PCBP3: variants seen among roughly 807,000 people sequenced by gnomAD.
PCBP3 encodes the protein poly(rC)-binding protein 3.
PCBP3 carries 25 observed loss-of-function variants against 52.7 expected under a neutral mutation model. That is an observed-to-expected ratio of 0.47 (90% CI 0.35 to 0.66). PCBP3 has a LOEUF of 0.66. Ranked by LOEUF, PCBP3 falls within the 30% of genes least tolerant of loss-of-function variation. The pLI is 0.01. For synonymous variants in PCBP3, 162 were observed against 183.0 expected (o/e 0.89, Z 0.93); for missense variants, 391 against 490.3 (o/e 0.80, Z 1.91).
At chr21:45,844,244 G>T (rs183384813) in intron 4 of PCBP3, among the ~76,000 whole-genome samples, 1 of 151,986 alleles carries the variant, frequency 6.6e-6, no homozygotes, top group Non-Finnish European at 1.5e-5. Context: ...ATGCTTTGCC[G>T]TCTTGGTGAG....
intron 4 of PCBP3, among the ~76,000 whole-genome samples, chr21:45,815,093 A>G (rs867161827): frequency 2.6e-3 from 7 of 2,742 alleles, no homozygotes; most frequent in South Asian, 0.019. Context: ...GTGGTGAGTG[A>G]TGAGTGAGTG....
intron 5 of PCBP3, among the ~76,000 whole-genome samples, chr21:45,857,988 C>T (rs926688381): frequency 1.3e-5 from 2 of 152,184 alleles, no homozygotes; most frequent in African/African-American, 2.4e-5. Flanking sequence ...CCAGGCCTCC[C>T]CCATTCCCAC....
rs1245142102 is a variant in PCBP3 at position 45,724,243 on chromosome 21, A to T, written c.-199-11149A>T. Among the ~76,000 whole-genome samples the T allele has an allele frequency of 6.6e-6, 1 of 152,170 alleles. No individual in the cohort carries two copies. The highest frequency in any genetic ancestry group is 2.4e-5 in the African/African-American group (1 of 41,434). Reference sequence around the variant, plus strand: ...GCTCCTATTAACACATTTATCGAAAATGGAACCTATGAGCAAATTCCTAGG... The same window carrying T: ...GCTCCTATTAACACATTTATCGAAATTGGAACCTATGAGCAAATTCCTAGG... On this transcript the variant is annotated intron_variant, in intron 2 of 17. Coordinates refer to ENST00000681687, the MANE Select transcript of PCBP3 (RefSeq NM_001384156.1). The surrounding 1 kb of genome is among the most constrained non-coding windows in gnomAD (Gnocchi z 5.3).
At chr21:45,765,175 G>C (rs1460276328) in intron 4 of PCBP3, among the ~76,000 whole-genome samples, 3 of 152,198 alleles carry the variant, frequency 2.0e-5, no homozygotes, top group Non-Finnish European at 2.9e-5. Context: ...GATAGACAGA[G>C]AGGCATGAGC....
chr21:45,924,991 G>T (rs1447333500), intron 13 of PCBP3, among the ~76,000 whole-genome samples: 1 of 87,710 alleles, frequency 1.1e-5, no homozygotes, highest in Admixed American at 1.0e-4. Context: ...AACAGCACAC[G>T]TAAGATCGGG....
rs1022993995 is a variant in PCBP3 at position 45,930,693 on chromosome 21, G to A, written c.797-93G>A. 9.6e-5 allele frequency: 64 copies of A among 668,130 alleles called. No homozygotes were observed. In the East Asian group the frequency reaches 1.5e-3, roughly 16 times the overall value. 41.4% of individuals were successfully genotyped at this position (668,130 alleles called of 1,614,324 possible). A position where few individuals can be genotyped will look rare whatever the true frequency, so the allele number is the denominator to read the frequency against. On this transcript the variant is annotated intron_variant, in intron 14 of 17. Coordinates refer to ENST00000681687, the MANE Select transcript of PCBP3 (RefSeq NM_001384156.1). ...GTGGCCAGAGAGAGCGCCGGTGCGT[G>A]CGCCAGTCATATTTTGAGCTTCCCT...
chr21:45,856,038 A>G lies in PCBP3; in HGVS notation c.10+5943A>G, dbSNP rs185240202. 1.6e-4 allele frequency among the ~76,000 whole-genome samples: 24 copies of G among 152,350 alleles called. No individual in the cohort carries two copies. The East Asian group carries it at 4.6e-3, about 29-fold the overall frequency. ...GTAGGAAACAGAAATATTTTACCCC[A>G]AAATATGTTTATTTGCCATATTTTG... On this transcript the variant is annotated intron_variant, in intron 5 of 17. Coordinates refer to ENST00000681687, the MANE Select transcript of PCBP3 (RefSeq NM_001384156.1).
intron 2 of PCBP3, among the ~76,000 whole-genome samples, chr21:45,677,381 A>T (rs2081534538): frequency 6.6e-6 from 1 of 152,222 alleles, no homozygotes; most frequent in Non-Finnish European, 1.5e-5. Context: ...GCTGAAATAG[A>T]TGAGGAAGAT....
At chr21:45,659,798 TGG>T (rs911449414) in intron 1 of PCBP3, among the ~76,000 whole-genome samples, 5 of 152,212 alleles carry the variant, frequency 3.3e-5, no homozygotes, top group Admixed American at 6.5e-5. Context: ...TTTTCCCTTG[TGG>T]TTGGGGAACA....
intron 5 of PCBP3, among the ~76,000 whole-genome samples, chr21:45,851,691 G>T (rs894650148): frequency 3.9e-5 from 6 of 152,162 alleles, no homozygotes; most frequent in African/African-American, 1.4e-4. Context: ...TGAGTACTGT[G>T]GGAAACCATA....
chr21:45,856,957 G>A (rs540085753), intron 5 of PCBP3, among the ~76,000 whole-genome samples: 1 of 152,148 alleles, frequency 6.6e-6, no homozygotes, highest in African/African-American at 2.4e-5. Context: ...TAAAGACCTG[G>A]GATCATAGAA....
At chr21:45,685,372 G>A (rs973033735) in intron 2 of PCBP3, among the ~76,000 whole-genome samples, 3 of 152,046 alleles carry the variant, frequency 2.0e-5, no homozygotes, top group African/African-American at 7.2e-5. Context: ...CCACTTAACT[G>A]TACACTTGAA....
intron 3 of PCBP3, chr21:45,749,339 G>A (rs1023254268): frequency 1.3e-4 from 20 of 152,092 alleles, no homozygotes; most frequent in African/African-American, 4.1e-4. Flanking sequence ...GAGTGTCTGT[G>A]TGAGCGCCCT....
chr21:45,779,010 G>A (rs2090450694), intron 4 of PCBP3, among the ~76,000 whole-genome samples: 1 of 152,210 alleles, frequency 6.6e-6, no homozygotes, highest in African/African-American at 2.4e-5. Context: ...CAGCCCTGGT[G>A]GCAGTAGGCT....
chr21:45,670,382 A>C (rs934833481), intron 2 of PCBP3, among the ~76,000 whole-genome samples: 2 of 152,006 alleles, frequency 1.3e-5, no homozygotes, highest in African/African-American at 4.8e-5. Flanking sequence ...GTCTTTGTAG[A>C]TATGTTTTTG....
At position 45,917,689 on chromosome 21, in the gene PCBP3, C is replaced by T. The variant is rs2073721282; in HGVS notation, c.717+60C>T. 7.8e-7 allele frequency: 1 copy of T among 1,276,210 alleles called. No homozygotes were observed. The highest frequency in any genetic ancestry group is 1.1e-6 in the Non-Finnish European group (1 of 871,680). The allele number at this position is 1,276,210 out of a possible 1,614,324, so 79.1% of individuals were successfully genotyped here. On this transcript the variant is annotated intron_variant, in intron 13 of 17. Transcript: ENST00000681687. This position sits in a 1 kb window ranked among gnomAD's most constrained non-coding sequence, Gnocchi z 5.3. Reference sequence around the variant, plus strand: ...CTTCTCATGGTTGTTTACCTACCTGCATGCTGCTGTTAATTGCTACTAACA... The same window carrying T: ...CTTCTCATGGTTGTTTACCTACCTGTATGCTGCTGTTAATTGCTACTAACA...
chr21:45,909,873 GGACCCGGCCACCCACTGCCCAGATACA>G (rs2096312783), intron 10 of PCBP3, among the ~76,000 whole-genome samples: 6 of 76,612 alleles, frequency 7.8e-5, no homozygotes, highest in Non-Finnish European at 9.7e-5. Context: ...GCCCAGATAC[GGACCCGGCCACCCACTGCCCAGATACA>G]GACCCGGCCC....
chr21:45,682,374 G>T (rs1400919368), intron 2 of PCBP3, among the ~76,000 whole-genome samples: 1 of 152,066 alleles, frequency 6.6e-6, no homozygotes, highest in Non-Finnish European at 1.5e-5. Context: ...CTTAGTGGGA[G>T]GAATACAGAA....
chr21:45,663,895 A>G (rs1467748392), intron 1 of PCBP3, among the ~76,000 whole-genome samples: 3 of 151,944 alleles, frequency 2.0e-5, no homozygotes, highest in African/African-American at 4.8e-5. Context: ...CCCTAACTCT[A>G]TGAAAAATGA....
Sources: gnomAD v4.1 joint callset for allele counts (sites outside exome capture counted in the v4.1 genomes callset) on GRCh38, gnomAD v4.1.1 for gene constraint, Gnocchi (gnomAD v3.1) non-coding constraint, MANE v1.5 for transcripts, NCBI Gene and HGNC (gene_info 2026-07-23, HGNC 2026-07-21) for gene names.